PEBP4: variants seen among roughly 807,000 people sequenced by gnomAD.
PEBP4 encodes the protein phosphatidylethanolamine-binding protein 4.
In PEBP4, 22 loss-of-function variants were observed where a neutral mutation model predicts 23.9. The ratio of observed to expected loss-of-function variants is 0.92; its 90% confidence interval spans 0.66 to 1.31. The LOEUF (loss-of-function observed/expected upper bound fraction) is 1.31, where lower values mean the gene tolerates loss of function less well. Among genes scored for constraint, PEBP4 ranks in the 40% most tolerant of loss-of-function variants. PEBP4 has a pLI of 0.00. For synonymous variants in PEBP4, 112 were observed against 99.3 expected (o/e 1.13, Z -0.76); for missense variants, 324 against 281.7 (o/e 1.15, Z -1.07).
At chr8:22,924,582 G>A (rs901787640) in intron 2 of PEBP4, 6 of 863,582 alleles carry the variant, frequency 6.9e-6, no homozygotes, top group Non-Finnish European at 8.3e-6. Context: ...TGTTCAAGAA[G>A]AGCAGCAGGG....
chr8:22,780,781 G>T (rs1396977760), intron 4 of PEBP4, among the ~76,000 whole-genome samples: 1 of 152,218 alleles, frequency 6.6e-6, no homozygotes. Context: ...CTAAGGCTCA[G>T]TCTTAGGTCT....
chr8:22,903,636 G>A lies in PEBP4; in HGVS notation c.258+16548C>T, dbSNP rs192883334. ...CAACAGCCTGCAAAGCCCCCAGCCC[G>A]GGCTCCTGCTCAAAGGACACATTGC... On this transcript the variant is annotated intron_variant, in intron 3 of 6. Coordinates refer to ENST00000256404, the MANE Select transcript of PEBP4 (RefSeq NM_144962.3). Among the ~76,000 whole-genome samples, 165 of 152,278 alleles carry A rather than the reference G, an allele frequency of 1.1e-3. No individual in the cohort carries two copies. In the Middle Eastern group the frequency reaches 0.02, roughly 19 times the overall value.
chr8:22,763,926 T>C (rs1011638888), intron 4 of PEBP4, among the ~76,000 whole-genome samples: 1 of 152,186 alleles, frequency 6.6e-6, no homozygotes, highest in South Asian at 2.1e-4. Context: ...GAGAGAGCCA[T>C]GAAGAAGACC....
intron 3 of PEBP4, among the ~76,000 whole-genome samples, chr8:22,841,394 G>A (rs962191264): frequency 6.6e-6 from 1 of 152,242 alleles, no homozygotes; most frequent in Non-Finnish European, 1.5e-5. Flanking sequence ...TTTTGACAAG[G>A]TTACTTTCAA....
At position 22,838,047 on chromosome 8, in the gene PEBP4, C is replaced by T. The variant is rs1032645189; in HGVS notation, c.259-20312G>A. ...CTGAGTAGCTGGGGCTACAGGCACA[C>T]GCCACCACACCTGGCTAATTTTTAA... On this transcript the variant is annotated intron_variant, in intron 3 of 6. Transcript: ENST00000256404. Among the ~76,000 whole-genome samples, 4 of 151,642 alleles carry T rather than the reference C, an allele frequency of 2.6e-5. No homozygotes were observed. In the South Asian group the frequency reaches 6.3e-4, roughly 24 times the overall value.
intron 3 of PEBP4, 69 bp downstream of exon 3, chr8:22,920,115 T>A: frequency 6.4e-7 from 1 of 1,563,476 alleles, no homozygotes; most frequent in Non-Finnish European, 8.7e-7. Context: ...GTCACCCAGA[T>A]GAGCAAGCCT....
At chr8:22,927,440 G>T in intron 2 of PEBP4, 144 bp downstream of exon 2, 1 of 944,934 alleles carries the variant, frequency 1.1e-6, no homozygotes, top group Non-Finnish European at 1.5e-6. Context: ...CCATCAAGGT[G>T]GTCTCCAGAT....
intron 3 of PEBP4, among the ~76,000 whole-genome samples, chr8:22,901,161 A>G (rs17088728): frequency 0.012 from 1,874 of 152,310 alleles, 22 homozygotes; most frequent in African/African-American, 0.042. Context: ...TATTCCACGG[A>G]CAGGCCTGGC....
At chr8:22,785,676 A>G (rs1806013124) in intron 4 of PEBP4, among the ~76,000 whole-genome samples, 1 of 152,164 alleles carries the variant, frequency 6.6e-6, no homozygotes, top group Non-Finnish European at 1.5e-5. Flanking sequence ...GGAAAGTTAC[A>G]GATCCTCCCT....
Position 22,920,974 on chromosome 8 carries a change from GAGA to G in PEBP4, c.132-667_132-665del, listed in dbSNP as rs33942658. Among the ~76,000 whole-genome samples, 706 of 152,344 alleles carry G rather than the reference GAGA, an allele frequency of 4.6e-3. 6 individuals carry two copies. The highest frequency in any genetic ancestry group is 0.016 in the African/African-American group (667 of 41,578). ...GAACCAGTTCATGTATTTGCTCCCT[GAGA>G]AGAAGGGCCCGAACAGCACCAGGGT... On this transcript the variant is annotated intron_variant, in intron 2 of 6. Coordinates refer to ENST00000256404, the MANE Select transcript of PEBP4 (RefSeq NM_144962.3).
intron 4 of PEBP4, among the ~76,000 whole-genome samples, chr8:22,730,438 G>C (rs1204687113): frequency 6.6e-6 from 1 of 152,246 alleles, no homozygotes; most frequent in East Asian, 1.9e-4. Context: ...CTATTCAGGG[G>C]ACTGAGCTGG....
At chr8:22,939,933 C>A (rs1458923398) in intron 1 of PEBP4, among the ~76,000 whole-genome samples, 5 of 152,190 alleles carry the variant, frequency 3.3e-5, no homozygotes, top group Non-Finnish European at 7.3e-5. Flanking sequence ...AAGCCCATTT[C>A]ATTAACAGAT....
rs6980483 is a variant in PEBP4, at chr8:22,925,312, G to C, written c.131+2272C>G. ...GGGAGTCCTGAGAATGGGCCCCCTT[G>C]ACTCGAGTCTGGGAGCCCTGAACCT... On this transcript the variant is annotated intron_variant, in intron 2 of 6. Transcript: ENST00000256404. 2.9e-5 allele frequency: 29 copies of C among 985,392 alleles called. No individual in the cohort carries two copies. The African/African-American group carries it at 4.7e-4, about 16-fold the overall frequency. The allele number at this position is 985,392 out of a possible 1,614,324, so 61.0% of individuals were successfully genotyped here. A position where few individuals can be genotyped will look rare whatever the true frequency, so the allele number is the denominator to read the frequency against.
intron 4 of PEBP4, among the ~76,000 whole-genome samples, chr8:22,791,051 C>T (rs1409313779): frequency 6.6e-6 from 1 of 152,112 alleles, no homozygotes; most frequent in Non-Finnish European, 1.5e-5. Flanking sequence ...GGCCAGAAGA[C>T]CAGATGAATA....
chr8:22,745,377 A>G (rs1345076515), intron 4 of PEBP4, among the ~76,000 whole-genome samples: 1 of 152,168 alleles, frequency 6.6e-6, no homozygotes, highest in Non-Finnish European at 1.5e-5. Flanking sequence ...GATGTGGGGT[A>G]GCCCTGGTGA....
intron 4 of PEBP4, among the ~76,000 whole-genome samples, chr8:22,807,377 CTCTG>C (rs2128759913): frequency 6.6e-6 from 1 of 152,236 alleles, no homozygotes; most frequent in East Asian, 1.9e-4. Context: ...GGAGAGGGGT[CTCTG>C]TCTGAGATAC....
intron 3 of PEBP4, chr8:22,897,579 T>C (rs1808614035): frequency 6.6e-6 from 1 of 152,234 alleles, no homozygotes; most frequent in Non-Finnish European, 1.5e-5. Context: ...TGGGTATTAT[T>C]AGTTCCATTT....
chr8:22,727,401 G>C (rs117648676), intron 4 of PEBP4, among the ~76,000 whole-genome samples, 181 bp from the exon 5 acceptor site: 4,978 of 152,182 alleles, frequency 0.033, 96 homozygotes, highest in Non-Finnish European at 0.039. Context: ...CTGCTTTTGG[G>C]AGACAGGGCA....
chr8:22,877,665 C>G (rs866841892), intron 3 of PEBP4, among the ~76,000 whole-genome samples: 1,999 of 7,964 alleles, frequency 0.25, 38 homozygotes, highest in African/African-American at 0.35. Context: ...CACCCCACCT[C>G]CCCACCTCCC....
Sources: gnomAD v4.1 joint callset for allele counts (sites outside exome capture counted in the v4.1 genomes callset) on GRCh38, gnomAD v4.1.1 for gene constraint, MANE v1.5 for transcripts, NCBI Gene and HGNC (gene_info 2026-07-23, HGNC 2026-07-21) for gene names.